The following CXCR2 variants were observed in gnomAD, a reference collection of about 807,000 sequenced individuals.
The protein encoded by CXCR2 is C-X-C motif chemokine receptor 2, also known as C-X-C chemokine receptor type 2.
Under a neutral mutation model 3.7 loss-of-function variants are expected in CXCR2, and 2 were observed. That is an observed-to-expected ratio of 0.55 (90% confidence interval 0.22 to 1.72). The LOEUF is 1.72. Among genes scored for constraint, CXCR2 ranks in the 40% most tolerant of loss-of-function variants. The probability of loss-of-function intolerance (pLI) is 0.19; values close to 1 mark genes in which losing one functional copy is unlikely to be tolerated. For missense variants in CXCR2, 351 were observed against 450.1 expected (o/e 0.78, Z 1.99); for synonymous variants, 203 against 193.3 (o/e 1.05, Z -0.41).
chr2:218,133,910 C>A (rs1248807908), intron 2 of CXCR2, among the ~76,000 whole-genome samples: 1 of 152,338 alleles, frequency 6.6e-6, no homozygotes, highest in South Asian at 2.1e-4. Flanking sequence ...CCCCAAATAA[C>A]CTGTTACGTT....
rs745400230 is a variant in CXCR2 at position 218,134,832 on chromosome 2, T to C, written c.31T>C (p.Phe11Leu). ...AGATTTTAACATGGAGAGTGACAGC[T>C]TTGAAGATTTCTGGAAAGGTGAAGA... is the stretch of plus-strand genomic sequence containing the variant. MEDFNMESDS[F>L]EDFWKGEDLS... The change falls in exon 3 of 3, where the codon TTT becomes CTT. Residue 11 changes from phenylalanine to leucine, a missense_variant. By Grantham distance (22) the Phe-to-Leu change is conservative. Coordinates refer to ENST00000318507, the MANE Select transcript of CXCR2 (RefSeq NM_001557.4). 6.2e-7 allele frequency: 1 copy of C among 1,613,874 alleles called. No individual in the cohort carries two copies. Among genetic ancestry groups the C allele is most frequent in the African/African-American group, 1.3e-5 (1 of 74,914 alleles).
chr2:218,135,204 C>G lies in CXCR2; in HGVS notation c.403C>G (p.Leu135Val). ...LKEVNFYSGILLLACISVDRY... is the reference protein window; with the variant it reads ...LKEVNFYSGIVLLACISVDRY... ...GGAAGTCAACTTCTATAGTGGCATC[C>G]TGCTACTGGCCTGCATCAGTGTGGA... is the stretch of plus-strand genomic sequence containing the variant. Residue 135 changes from leucine to valine, a missense_variant, in exon 3 of 3, where the codon CTG (leucine) becomes GTG (valine). Leu to Val is a conservative substitution (Grantham distance 32, BLOSUM62 1). Coordinates refer to ENST00000318507, the MANE Select transcript of CXCR2 (RefSeq NM_001557.4). The surrounding 1 kb of genome is among the most constrained non-coding windows in gnomAD (Gnocchi z 4.0). 6.2e-7 allele frequency: 1 copy of G among 1,614,242 alleles called. No homozygotes were observed. Among genetic ancestry groups the G allele is most frequent in the South Asian group, 1.1e-5 (1 of 91,082 alleles).
chr2:218,135,949 T>C lies in CXCR2; in HGVS notation c.*65T>C. The stretch of plus-strand genomic sequence containing the variant: ...TCTCTTCACAGTCACATTCCAAGCC[T>C]CATGTCCACTGGTTCTTCTTGGTCT... On this transcript the variant is annotated 3_prime_UTR_variant, in exon 3 of 3. Coordinates refer to ENST00000318507, the MANE Select transcript of CXCR2 (RefSeq NM_001557.4). The surrounding 1 kb of genome is among the most constrained non-coding windows in gnomAD (Gnocchi z 4.0). 1 of 1,527,826 alleles carries C rather than the reference T, an allele frequency of 6.5e-7. No homozygotes were observed. Among genetic ancestry groups the C allele is most frequent in the Non-Finnish European group, 8.8e-7 (1 of 1,137,574 alleles). The allele number at this position is 1,527,826 out of a possible 1,614,324, so 94.6% of individuals were successfully genotyped here.
intron 2 of CXCR2, among the ~76,000 whole-genome samples, chr2:218,133,208 C>T (rs1335903816): frequency 1.3e-5 from 2 of 150,884 alleles, no homozygotes; most frequent in East Asian, 1.9e-4. Flanking sequence ...AGGCAATGGC[C>T]GGAGGGTGAT....
chr2:218,131,683 A>T (rs1690651058), intron 2 of CXCR2, among the ~76,000 whole-genome samples: 2 of 151,570 alleles, frequency 1.3e-5, no homozygotes, highest in Admixed American at 1.3e-4. Flanking sequence ...ATTAGCCAGG[A>T]TGGTCTCGAT....
At chr2:218,128,936 C>T (rs1690573569) in intron 1 of CXCR2, among the ~76,000 whole-genome samples, 1 of 152,108 alleles carries the variant, frequency 6.6e-6, no homozygotes. Flanking sequence ...ATAGTACTGC[C>T]AATGGTATGA....
Position 218,134,862 on chromosome 2 carries a change from A to C in CXCR2, c.61A>C (p.Ser21Arg), listed in dbSNP as rs561614631. ...FEDFWKGEDL[S>R]NYSYSSTLPP... ...AGATTTCTGGAAAGGTGAAGATCTTAGTAATTACAGTTACAGCTCTACCCT... is the reference window on the plus strand; with the variant it reads ...AGATTTCTGGAAAGGTGAAGATCTTCGTAATTACAGTTACAGCTCTACCCT... The change falls in exon 3 of 3, where the codon AGT becomes CGT. Residue 21 changes from serine (S) to arginine (R), a missense_variant. Ser to Arg is a moderately radical substitution (Grantham distance 110, BLOSUM62 -1). Transcript: ENST00000318507. The C allele has an allele frequency of 5.0e-6, 8 of 1,614,198 alleles. No homozygotes were observed. The highest frequency in any genetic ancestry group is 3.3e-5 in the Admixed American group (2 of 60,018).
chr2:218,136,468 G>C lies in CXCR2; in HGVS notation c.*584G>C, dbSNP rs200317880. ...ATGTAGAGGAGAAACTGGAACTCTC[G>C]AGCGTTGCTGGGGGGGATTGTAAAA... is the stretch of plus-strand genomic sequence containing the variant. On this transcript the variant is annotated 3_prime_UTR_variant, in exon 3 of 3. Transcript: ENST00000318507. 1 of 167,508 alleles carries C rather than the reference G, an allele frequency of 6.0e-6. No homozygotes were observed. The highest frequency in any genetic ancestry group is 1.5e-5 in the Non-Finnish European group (1 of 68,500). 10.4% of individuals were successfully genotyped at this position (167,508 alleles called of 1,614,324 possible).
In CXCR2 at chr2:218,126,120, T is replaced by G. The variant is rs984807382; in HGVS notation, c.-311T>G. The G allele has an allele frequency of 6.6e-6, 1 of 152,346 alleles. No individual in the cohort carries two copies. The highest frequency in any genetic ancestry group is 1.5e-5 in the Non-Finnish European group (1 of 68,072). The allele number at this position is 152,346 out of a possible 1,614,324, so 9.4% of individuals were successfully genotyped here. A position where few individuals can be genotyped will look rare whatever the true frequency, so the allele number is the denominator to read the frequency against. ...AGGAAGATGTGAAAATCCCCAGCAC[T>G]CATCCCAGAATCACTAAGTGGCACC... is the stretch of plus-strand genomic sequence containing the variant. On this transcript the variant is annotated 5_prime_UTR_variant, in exon 1 of 3. Coordinates refer to ENST00000318507, the MANE Select transcript of CXCR2 (RefSeq NM_001557.4).
At chr2:218,132,776 T>C (rs1474877559) in intron 2 of CXCR2, among the ~76,000 whole-genome samples, 1 of 152,228 alleles carries the variant, frequency 6.6e-6, no homozygotes, top group African/African-American at 2.4e-5. Flanking sequence ...TCATGACTGT[T>C]CCTCAATTTG....
upstream of CXCR2, chr2:218,125,479 T>C (rs542951433): frequency 4.6e-5 from 7 of 152,206 alleles, no homozygotes; most frequent in Admixed American, 4.6e-4. Context: ...AAAAAAATTA[T>C]AGTGTGAATC....
Position 218,135,811 on chromosome 2 carries a change from A to T in CXCR2, c.1010A>T (p.Lys337Met). 1 of 1,614,080 alleles carries T rather than the reference A, an allele frequency of 6.2e-7. No homozygotes were observed. The highest frequency in any genetic ancestry group is 2.2e-5 in the East Asian group (1 of 44,866). Residue 337 changes from lysine to methionine, a missense_variant, in exon 3 of 3, where the codon AAG becomes ATG. Physicochemically the swap from Lys to Met is moderately conservative, Grantham distance 95 (BLOSUM62 -1). Coordinates refer to ENST00000318507, the MANE Select transcript of CXCR2 (RefSeq NM_001557.4). This position sits in a 1 kb window ranked among gnomAD's most constrained non-coding sequence, Gnocchi z 4.0. The part of the protein sequence containing the change: ...KILAIHGLIS[K>M]DSLPKDSRPS... ...CTAGCTATACATGGCTTGATCAGCA[A>T]GGACTCCCTGCCCAAAGACAGCAGG...
rs1236554487 is a variant in CXCR2, at chr2:218,137,115, A to G, written c.*1231A>G. On this transcript the variant is annotated 3_prime_UTR_variant, in exon 3 of 3. Transcript: ENST00000318507. ...TATGTATATTTTATATCAATTTAAA[A>G]AAAAACCTGAGCCCCAAAAGGTATT... is the stretch of plus-strand genomic sequence containing the variant. The G allele has an allele frequency of 6.0e-6, 1 of 167,234 alleles. No individual in the cohort carries two copies. The highest frequency in any genetic ancestry group is 1.9e-4 in the East Asian group (1 of 5,340). The allele number at this position is 167,234 out of a possible 1,614,324, so 10.4% of individuals were successfully genotyped here.
Position 218,135,267 on chromosome 2 carries a change from A to G in CXCR2, c.466A>G (p.Thr156Ala), listed in dbSNP as rs1690757443. Reference protein sequence around the residue: ...LAIVHATRTLTQKRYLVKFIC... With the variant: ...LAIVHATRTLAQKRYLVKFIC... The stretch of plus-strand genomic sequence containing the variant: ...CATTGTCCATGCCACACGCACACTG[A>G]CCCAGAAGCGCTACTTGGTCAAATT... Residue 156 changes from threonine to alanine, a missense_variant, in exon 3 of 3, where the codon ACC becomes GCC. By Grantham distance (58) the Thr-to-Ala change is moderately conservative (BLOSUM62 0). Transcript: ENST00000318507. This position sits in a 1 kb window ranked among gnomAD's most constrained non-coding sequence, Gnocchi z 4.0. 1 of 1,614,010 alleles carries G rather than the reference A, an allele frequency of 6.2e-7. No homozygotes were observed. The highest frequency in any genetic ancestry group is 8.5e-7 in the Non-Finnish European group (1 of 1,180,018).
chr2:218,131,867 C>A (rs1690656126), intron 2 of CXCR2, among the ~76,000 whole-genome samples: 1 of 151,630 alleles, frequency 6.6e-6, no homozygotes, highest in South Asian at 2.1e-4. Flanking sequence ...GCCCCTAACT[C>A]TTAAAAGAGA....
chr2:218,128,387 G>A (rs924079517), intron 1 of CXCR2, among the ~76,000 whole-genome samples: 5 of 152,204 alleles, frequency 3.3e-5, no homozygotes, highest in African/African-American at 1.2e-4. Flanking sequence ...CAGGGATTGA[G>A]TCCCCTCTGG....
intron 1 of CXCR2, 147 bp downstream of exon 1, chr2:218,126,500 A>G (rs2106096870): frequency 6.6e-6 from 1 of 152,354 alleles, no homozygotes; most frequent in Non-Finnish European, 1.5e-5. Context: ...TCACCTAGAC[A>G]GTGTTGCACA....
chr2:218,134,991 C>A lies in CXCR2; in HGVS notation c.190C>A (p.Leu64Met), dbSNP rs762103956. 9 of 1,614,096 alleles carry A rather than the reference C, an allele frequency of 5.6e-6. No homozygotes were observed. In the East Asian group the frequency reaches 2.0e-4, roughly 36 times the overall value. ...TGCCCTGGTATTCCTGCTGAGCCTGCTGGGAAACTCCCTCGTGATGCTGGT... is the reference window on the plus strand; with the variant it reads ...TGCCCTGGTATTCCTGCTGAGCCTGATGGGAAACTCCCTCGTGATGCTGGT... ...IYALVFLLSLLGNSLVMLVIL... is the reference protein window; with the variant it reads ...IYALVFLLSLMGNSLVMLVIL... The change falls in exon 3 of 3, where the codon CTG (leucine) becomes ATG (methionine). Residue 64 changes from leucine to methionine, a missense_variant. By Grantham distance (15) the Leu-to-Met change is conservative (BLOSUM62 2). Coordinates refer to ENST00000318507, the MANE Select transcript of CXCR2 (RefSeq NM_001557.4).
At chr2:218,131,886 A>T (rs745672558) in intron 2 of CXCR2, among the ~76,000 whole-genome samples, 1 of 151,370 alleles carries the variant, frequency 6.6e-6, no homozygotes, top group African/African-American at 2.4e-5. Flanking sequence ...GAAACTAAAA[A>T]CTTGTCAGGA....
Sources: gnomAD v4.1 joint callset for allele counts (sites outside exome capture counted in the v4.1 genomes callset) on GRCh38, gnomAD v4.1.1 for gene constraint, Gnocchi (gnomAD v3.1) non-coding constraint, MANE v1.5 for transcripts, NCBI Gene and HGNC (gene_info 2026-07-23, HGNC 2026-07-21) for gene names.